The following TTYH1 variants were observed in gnomAD, a reference collection of about 807,000 sequenced individuals.
The protein encoded by TTYH1 is tweety family member 1.
A neutral mutation model predicts 61.2 loss-of-function variants in TTYH1; 33 were observed. The ratio of observed to expected loss-of-function variants is 0.54; its 90% CI spans 0.41 to 0.72. TTYH1 has a LOEUF of 0.72. Among genes scored for constraint, TTYH1 ranks in the 30% least tolerant of loss-of-function variants. The pLI is 0.00. For missense variants in TTYH1, 538 were observed against 575.8 expected, an observed-to-expected ratio of 0.93 and a Z score of 0.67; for synonymous variants, 308 against 266.4, an observed-to-expected ratio of 1.16 and a Z score of -1.52.
chr19:54,432,084 G>C (rs1569266901), intron 10 of TTYH1: 1 of 152,162 alleles, frequency 6.6e-6, no homozygotes, highest in Non-Finnish European at 1.5e-5. Flanking sequence ...AGCCGGGCAT[G>C]GTGGTGGGCG....
rs895061932 is a variant in TTYH1, at chr19:54,420,716, G to T, written c.306-561G>T. On this transcript the variant is annotated intron_variant, in intron 2 of 13. Transcript: ENST00000376530. This position sits in a 1 kb window ranked among gnomAD's most constrained non-coding sequence, Gnocchi z 4.8. ...CTGGCCCGACGCTTGGGTCCCGGGT[G>T]GGGGAAGGCCGAGAGCTCCAGGCTC... is the stretch of plus-strand genomic sequence containing the variant. 3.0e-5 allele frequency: 5 copies of T among 168,322 alleles called. No individual in the cohort carries two copies. Among genetic ancestry groups the T allele is most frequent in the Non-Finnish European group, 4.3e-5 (3 of 69,254 alleles). 10.4% of individuals were successfully genotyped at this position (168,322 alleles called of 1,614,324 possible).
At position 54,420,918 on chromosome 19, in the gene TTYH1, G is replaced by T. The variant is rs552472817; in HGVS notation, c.306-359G>T. On this transcript the variant is annotated intron_variant, in intron 2 of 13. Transcript: ENST00000376530. The surrounding 1 kb of genome is among the most constrained non-coding windows in gnomAD (Gnocchi z 4.8). ...CTGCCTGGCAAAGGATGCGGGGGAA[G>T]GGTGTGGGGCAGGCAGTCCTAGGGA... 3.8e-5 allele frequency: 13 copies of T among 341,022 alleles called. No individual in the cohort carries two copies. The South Asian group carries it at 4.5e-4, about 12-fold the overall frequency. The allele number at this position is 341,022 out of a possible 1,614,324, so 21.1% of individuals were successfully genotyped here.
At chr19:54,428,527 T>G (rs1262975782) in intron 5 of TTYH1, among the ~76,000 whole-genome samples, 3 of 152,046 alleles carry the variant, frequency 2.0e-5, no homozygotes, top group African/African-American at 7.2e-5. Context: ...TGCCTGGCCC[T>G]TCTCCCTGTT....
chr19:54,435,930 T>C (rs1453570668), intron 12 of TTYH1, 57 bp downstream of exon 12: 11 of 1,601,226 alleles, frequency 6.9e-6, no homozygotes, highest in Admixed American at 1.7e-5. Flanking sequence ...CTCCTGGGTC[T>C]GAGGGAGGAG....
At position 54,435,684 on chromosome 19, in the gene TTYH1, G is replaced by A; in HGVS notation, c.1268G>A (p.Ser423Asn). 1 of 1,608,890 alleles carries A rather than the reference G, an allele frequency of 6.2e-7. No homozygotes were observed. The highest frequency in any genetic ancestry group is 8.5e-7 in the Non-Finnish European group (1 of 1,177,600). The change falls in exon 11 of 14, where the codon AGT (serine) becomes AAT (asparagine). Residue 423 changes from serine (S) to asparagine (N), a missense_variant and splice_region_variant. Transcript: ENST00000376530. ...CGAGCCTGGGCCCTCTTCCCACCCA[G>A]GTCAGGAGCGGGGGAGGGTAGGGTC... ...LPRAWALFPPSDDYDDTDDDD... is the reference protein window; with the variant it reads ...LPRAWALFPPNDDYDDTDDDD...
intron 5 of TTYH1, 137 bp downstream of exon 5, chr19:54,426,905 C>A: frequency 1.3e-6 from 1 of 743,740 alleles, no homozygotes; most frequent in Non-Finnish European, 2.2e-6. Flanking sequence ...AGAGTCAGAG[C>A]AGCCCAGGAG....
intron 5 of TTYH1, among the ~76,000 whole-genome samples, chr19:54,427,734 CCTGA>C (rs1172006790): frequency 2.6e-5 from 4 of 152,098 alleles, no homozygotes; most frequent in African/African-American, 9.7e-5. Context: ...CGGTCAGGGA[CCTGA>C]CTAAGAGCGC....
chr19:54,416,755 C>G lies in TTYH1; in HGVS notation c.126+1077C>G. On this transcript the variant is annotated intron_variant, in intron 1 of 13. Coordinates refer to ENST00000376530, the MANE Select transcript of TTYH1 (RefSeq NM_020659.4). This position sits in a 1 kb window ranked among gnomAD's most constrained non-coding sequence, Gnocchi z 7.0. ...GCCTGCTCCTCGCCGCCCCCTCTCCCCACACACGGGGACCGCCGTCCCCTC... is the reference window on the plus strand; with the variant it reads ...GCCTGCTCCTCGCCGCCCCCTCTCCGCACACACGGGGACCGCCGTCCCCTC... The G allele has an allele frequency of 7.7e-7, 1 of 1,292,216 alleles. No individual in the cohort carries two copies. The highest frequency in any genetic ancestry group is 1.0e-6 in the Non-Finnish European group (1 of 988,536). The allele number at this position is 1,292,216 out of a possible 1,614,324, so 80.0% of individuals were successfully genotyped here. A position where few individuals can be genotyped will look rare whatever the true frequency, so the allele number is the denominator to read the frequency against.
In TTYH1 at chr19:54,419,266, T is replaced by C; in HGVS notation, c.265T>C (p.Cys89Arg). The C allele has an allele frequency of 6.2e-7, 1 of 1,604,626 alleles. No homozygotes were observed. Among genetic ancestry groups the C allele is most frequent in the Non-Finnish European group, 8.5e-7 (1 of 1,179,496 alleles). ...CAAGATCCCCTCGCCCGGGGGAGGC[T>C]GCGTCACCTGGAGCTGCATTGTCGC... The part of the protein sequence containing the change: ...GSKIPSPGGG[C>R]VTWSCIVALL... The change falls in exon 2 of 14, where the codon TGC becomes CGC. Residue 89 changes from cysteine to arginine, a missense_variant. Coordinates refer to ENST00000376530, the MANE Select transcript of TTYH1 (RefSeq NM_020659.4). This position sits in a 1 kb window ranked among gnomAD's most constrained non-coding sequence, Gnocchi z 6.1.
In TTYH1 at chr19:54,419,029, T is replaced by G. The variant is rs950483478; in HGVS notation, c.127-99T>G. On this transcript the variant is annotated intron_variant, in intron 1 of 13. Coordinates refer to ENST00000376530, the MANE Select transcript of TTYH1 (RefSeq NM_020659.4). The surrounding 1 kb of genome is among the most constrained non-coding windows in gnomAD (Gnocchi z 6.1). ...CCAGGGATGTCTCCCACCTTCACTCTGACATCCCAGACCCCGACCCCCCAG... is the reference window on the plus strand; with the variant it reads ...CCAGGGATGTCTCCCACCTTCACTCGGACATCCCAGACCCCGACCCCCCAG... 1.2e-5 allele frequency: 15 copies of G among 1,234,090 alleles called. No individual in the cohort carries two copies. The highest frequency in any genetic ancestry group is 1.7e-5 in the Non-Finnish European group (15 of 883,978). The allele number at this position is 1,234,090 out of a possible 1,614,324, so 76.4% of individuals were successfully genotyped here. A position where few individuals can be genotyped will look rare whatever the true frequency, so the allele number is the denominator to read the frequency against.
Position 54,416,477 on chromosome 19 carries a change from G to A in TTYH1, c.126+799G>A, listed in dbSNP as rs757179599. 5.8e-4 allele frequency: 170 copies of A among 291,284 alleles called. 1 individual carries two copies. Among genetic ancestry groups the A allele is most frequent in the Non-Finnish European group, 9.8e-4 (146 of 148,482 alleles). 18.0% of individuals were successfully genotyped at this position (291,284 alleles called of 1,614,324 possible). On this transcript the variant is annotated intron_variant, in intron 1 of 13. Transcript: ENST00000376530. The surrounding 1 kb of genome is among the most constrained non-coding windows in gnomAD (Gnocchi z 7.0). Reference sequence around the variant, plus strand: ...TCAAGTCCTTGACTTCGAGATTAATGAGGAGAAAGGCTTGGCTGAGCTGGG... The same window carrying A: ...TCAAGTCCTTGACTTCGAGATTAATAAGGAGAAAGGCTTGGCTGAGCTGGG...
chr19:54,431,246 C>A lies in TTYH1; in HGVS notation c.1125+55C>A, dbSNP rs777792331. 1.4e-5 allele frequency: 17 copies of A among 1,225,352 alleles called. No homozygotes were observed. In the South Asian group the frequency reaches 1.8e-4, roughly 13 times the overall value. The allele number at this position is 1,225,352 out of a possible 1,614,324, so 75.9% of individuals were successfully genotyped here. ...CCCACGGGGGGCCTCTGTCTCGACCCACAGAACTACCTCCTCCTTCTCCTT... is the reference window on the plus strand; with the variant it reads ...CCCACGGGGGGCCTCTGTCTCGACCAACAGAACTACCTCCTCCTTCTCCTT... On this transcript the variant is annotated intron_variant, in intron 10 of 13. Transcript: ENST00000376530.
Position 54,431,085 on chromosome 19 carries a change from T to G in TTYH1, c.1033-14T>G, listed in dbSNP as rs958428766. 3.1e-5 allele frequency: 50 copies of G among 1,605,598 alleles called. No homozygotes were observed. Among genetic ancestry groups the G allele is most frequent in the Non-Finnish European group, 3.7e-5 (43 of 1,172,546 alleles). On this transcript the variant is annotated splice_polypyrimidine_tract_variant and intron_variant, in intron 9 of 13. Transcript: ENST00000376530. Reference sequence around the variant, plus strand: ...GAAGAGTTCGTGGGAAAACGACCCCTCCTCGCCCCGCAGAAGCCTCTGCTG... The same window carrying G: ...GAAGAGTTCGTGGGAAAACGACCCCGCCTCGCCCCGCAGAAGCCTCTGCTG...
At position 54,429,751 on chromosome 19, in the gene TTYH1, C is replaced by T; in HGVS notation, c.808-131C>T. The stretch of plus-strand genomic sequence containing the variant: ...GGGCCTGGGGCCTGGACTCCTGAGT[C>T]TGAGGGAAGAGGGGCTGGGACCTGG... On this transcript the variant is annotated intron_variant, in intron 6 of 13. Coordinates refer to ENST00000376530, the MANE Select transcript of TTYH1 (RefSeq NM_020659.4). The surrounding 1 kb of genome is among the most constrained non-coding windows in gnomAD (Gnocchi z 5.1). The T allele has an allele frequency of 5.2e-6, 4 of 768,370 alleles. No individual in the cohort carries two copies. The South Asian group carries it at 6.6e-5, about 13-fold the overall frequency. 47.6% of individuals were successfully genotyped at this position (768,370 alleles called of 1,614,324 possible). A position where few individuals can be genotyped will look rare whatever the true frequency, so the allele number is the denominator to read the frequency against.
intron 1 of TTYH1, among the ~76,000 whole-genome samples, chr19:54,417,556 C>A (rs1384596954): frequency 5.3e-5 from 8 of 151,986 alleles, no homozygotes; most frequent in Non-Finnish European, 1.2e-4. Flanking sequence ...ACGCACATTG[C>A]GCACAGTGAC....
chr19:54,415,824 G>A lies in TTYH1; in HGVS notation c.126+146G>A, dbSNP rs1194967825. 2.0e-6 allele frequency: 2 copies of A among 992,004 alleles called. No homozygotes were observed. Among genetic ancestry groups the A allele is most frequent in the Non-Finnish European group, 2.8e-6 (2 of 704,102 alleles). 61.5% of individuals were successfully genotyped at this position (992,004 alleles called of 1,614,324 possible). On this transcript the variant is annotated intron_variant, in intron 1 of 13. Coordinates refer to ENST00000376530, the MANE Select transcript of TTYH1 (RefSeq NM_020659.4). The surrounding 1 kb of genome is among the most constrained non-coding windows in gnomAD (Gnocchi z 5.2). ...GACTTTGGGGTTTCGGAGGGAGGAG[G>A]AGCCTGGGGGCGCCCATGCCTGGAG...
intron 4 of TTYH1, chr19:54,426,446 C>T (rs895933252): frequency 1.5e-5 from 9 of 587,322 alleles, no homozygotes; most frequent in Non-Finnish European, 2.2e-5. Flanking sequence ...CCCAGGTGCT[C>T]AGGACCTGTA....
In TTYH1 at chr19:54,421,193, G is replaced by C; in HGVS notation, c.306-84G>C. On this transcript the variant is annotated intron_variant, in intron 2 of 13. Coordinates refer to ENST00000376530, the MANE Select transcript of TTYH1 (RefSeq NM_020659.4). This position sits in a 1 kb window ranked among gnomAD's most constrained non-coding sequence, Gnocchi z 4.8. ...ATGGGAGGGGTGGATAAGAAGGCGAGGTGGAGGGGATGGGGTGGGAGGGGA... is the reference window on the plus strand; with the variant it reads ...ATGGGAGGGGTGGATAAGAAGGCGACGTGGAGGGGATGGGGTGGGAGGGGA... 1.2e-6 allele frequency: 1 copy of C among 848,216 alleles called. No individual in the cohort carries two copies. The highest frequency in any genetic ancestry group is 1.9e-5 in the Admixed American group (1 of 51,790). 52.5% of individuals were successfully genotyped at this position (848,216 alleles called of 1,614,324 possible).
chr19:54,426,696 T>A lies in TTYH1; in HGVS notation c.662T>A (p.Leu221Gln), dbSNP rs766046863. ...EYRWLAYVLLLLLELLVCLFT... is the reference protein window; with the variant it reads ...EYRWLAYVLLQLLELLVCLFT... Reference sequence around the variant, plus strand: ...AGGTGGCTGGCCTACGTCCTCCTGCTGCTCCTGGAGCTGCTGGTCTGCCTC... The same window carrying A: ...AGGTGGCTGGCCTACGTCCTCCTGCAGCTCCTGGAGCTGCTGGTCTGCCTC... Residue 221 changes from leucine (L) to glutamine (Q), a missense_variant, in exon 5 of 14, where the codon CTG becomes CAG. Physicochemically the swap from Leu to Gln is moderately radical, Grantham distance 113. Transcript: ENST00000376530. 6.2e-7 allele frequency: 1 copy of A among 1,614,034 alleles called. No individual in the cohort carries two copies. Among genetic ancestry groups the A allele is most frequent in the Non-Finnish European group, 8.5e-7 (1 of 1,180,002 alleles).
Sources: allele counts gnomAD v4.1 joint callset (sites outside exome capture counted in the v4.1 genomes callset), GRCh38; gene constraint gnomAD v4.1.1; non-coding constraint Gnocchi (gnomAD v3.1); transcripts MANE v1.5; gene names NCBI Gene and HGNC (gene_info 2026-07-23, HGNC 2026-07-21).